The following ARAP2 variants were observed in gnomAD, a reference collection of about 807,000 sequenced individuals.
ARAP2 encodes arf-GAP with Rho-GAP domain, ANK repeat and PH domain-containing protein 2.
ARAP2 carries 148 observed loss-of-function variants against 194.5 expected under a neutral mutation model. The observed-to-expected ratio is 0.76, with a 90% CI of 0.67 to 0.87. ARAP2 has a LOEUF of 0.87. ARAP2 is among the 40% of genes least tolerant of loss of function. The probability of loss-of-function intolerance (pLI) is 0.00; values close to 1 mark genes in which losing one functional copy is unlikely to be tolerated. For missense variants in ARAP2, 2,128 were observed against 1,989.7 expected (o/e 1.07, Z -1.32); for synonymous variants, 695 against 683.5 (o/e 1.02, Z -0.26).
chr4:36,111,035 G>A (rs1421477641), intron 26 of ARAP2, among the ~76,000 whole-genome samples: 1 of 151,856 alleles, frequency 6.6e-6, no homozygotes, highest in African/African-American at 2.4e-5. Flanking sequence ...GTAAAGGGAA[G>A]ATTACCAAAC....
intron 2 of ARAP2, among the ~76,000 whole-genome samples, chr4:36,055,238 C>T (rs1480268759): frequency 1.3e-5 from 2 of 152,110 alleles, no homozygotes; most frequent in Non-Finnish European, 2.9e-5. Flanking sequence ...AACCTCAATC[C>T]TGTAATTTTG....
intron 27 of ARAP2, among the ~76,000 whole-genome samples, chr4:36,101,783 G>A (rs147332624): frequency 6.6e-6 from 1 of 152,068 alleles, no homozygotes; most frequent in East Asian, 1.9e-4. Context: ...TATGAATTCA[G>A]GTCTCTTAAT....
chr4:36,074,740 C>T (rs1727844433), intron 31 of ARAP2, among the ~76,000 whole-genome samples: 1 of 152,006 alleles, frequency 6.6e-6, no homozygotes, highest in Admixed American at 6.6e-5. Context: ...TCTCTCAGTT[C>T]TTAAGCAACA....
In ARAP2 at chr4:36,107,648, C is replaced by A; in HGVS notation, c.4202G>T (p.Arg1401Leu). 6.2e-7 allele frequency: 1 copy of A among 1,610,494 alleles called. No individual in the cohort carries two copies. Among genetic ancestry groups the A allele is most frequent in the Non-Finnish European group, 8.5e-7 (1 of 1,177,880 alleles). ...GCCAGGTTCAGCTAATGAACTCCAC[C>A]GAAGCACCTGCTCCAGTACATTTTC... is the stretch of plus-strand genomic sequence containing the variant. Reference protein sequence around the residue: ...YKENVLEQVLRWSSLAEPGSA... With the variant: ...YKENVLEQVLLWSSLAEPGSA... Residue 1401 changes from arginine to leucine, a missense_variant, in exon 27 of 33, where the codon CGG becomes CTG. Transcript: ENST00000303965.
At chr4:36,050,630 T>C (rs1463887907) in intron 3 of ARAP2, among the ~76,000 whole-genome samples, 1 of 152,188 alleles carries the variant, frequency 6.6e-6, no homozygotes, top group Non-Finnish European at 1.5e-5. Context: ...TTTTCTCCCT[T>C]GTACTTTTTT....
chr4:36,177,682 T>A, intron 9 of ARAP2, 145 bp downstream of exon 9: 2 of 706,380 alleles, frequency 2.8e-6, no homozygotes, highest in Non-Finnish European at 4.0e-6. Context: ...TTCAACAAAA[T>A]CACTATTTCT....
intron 11 of ARAP2, among the ~76,000 whole-genome samples, chr4:36,163,287 A>G (rs886457545): frequency 3.9e-5 from 6 of 152,202 alleles, no homozygotes; most frequent in African/African-American, 1.4e-4. Flanking sequence ...TAAGAACACA[A>G]AGAGAGACTG....
exon 6 of ARAP2, chr4:36,019,190 G>A (rs1237398042): frequency 6.7e-6 from 1 of 149,360 alleles, no homozygotes; most frequent in Non-Finnish European, 1.5e-5. Flanking sequence ...ATTATGCTTG[G>A]TTCAGTAGTA....
At chr4:36,053,101 G>A (rs1003809036) in intron 2 of ARAP2, among the ~76,000 whole-genome samples, 4 of 151,788 alleles carry the variant, frequency 2.6e-5, no homozygotes, top group Non-Finnish European at 2.9e-5. Context: ...TCCGCCTCCC[G>A]GGTTCAAGCG....
intron 2 of ARAP2, among the ~76,000 whole-genome samples, chr4:36,219,553 T>C (rs1748707294): frequency 1.3e-5 from 2 of 152,276 alleles, no homozygotes; most frequent in South Asian, 4.1e-4. Flanking sequence ...AAAGTGGAGA[T>C]GAGTGATGGA....
chr4:36,041,897 T>C (rs1442000662), intron 5 of ARAP2, among the ~76,000 whole-genome samples: 2 of 152,314 alleles, frequency 1.3e-5, no homozygotes, highest in Non-Finnish European at 1.5e-5. Flanking sequence ...TTGGAGGCTA[T>C]TATTCTCAGC....
rs1437458445 is a variant in ARAP2, at chr4:36,114,380, A to G, written c.4039-93T>C. 3 of 757,644 alleles carry G rather than the reference A, an allele frequency of 4.0e-6. No individual in the cohort carries two copies. The Admixed American group carries it at 7.9e-5, about 20-fold the overall frequency. The allele number at this position is 757,644 out of a possible 1,614,324, so 46.9% of individuals were successfully genotyped here. A position where few individuals can be genotyped will look rare whatever the true frequency, so the allele number is the denominator to read the frequency against. Reference sequence around the variant, plus strand: ...AATATTCCCCATCCACCATTTAATGATATCTTGAATTTATTTTGAGCATGG... The same window carrying G: ...AATATTCCCCATCCACCATTTAATGGTATCTTGAATTTATTTTGAGCATGG... On this transcript the variant is annotated intron_variant, in intron 25 of 32. Coordinates refer to ENST00000303965, the MANE Select transcript of ARAP2 (RefSeq NM_015230.4).
chr4:36,198,361 C>A (rs942314210), intron 6 of ARAP2, among the ~76,000 whole-genome samples: 1 of 152,308 alleles, frequency 6.6e-6, no homozygotes, highest in Middle Eastern at 3.4e-3. Context: ...AGAAAAGGCA[C>A]CACAAGTTCC....
At chr4:36,239,586 T>C (rs1365674431) in intron 1 of ARAP2, among the ~76,000 whole-genome samples, 1 of 152,150 alleles carries the variant, frequency 6.6e-6, no homozygotes, top group Admixed American at 6.5e-5. Flanking sequence ...GTCAAATTCA[T>C]AGAAAGTAGA....
At chr4:36,180,149 G>C (rs1200712191) in intron 8 of ARAP2, among the ~76,000 whole-genome samples, 1 of 152,096 alleles carries the variant, frequency 6.6e-6, no homozygotes, top group African/African-American at 2.4e-5. Context: ...CATGGTGGCA[G>C]TAATCCAAGC....
chr4:36,140,761 C>G (rs1728127933), intron 19 of ARAP2, among the ~76,000 whole-genome samples: 1 of 151,668 alleles, frequency 6.6e-6, no homozygotes, highest in Non-Finnish European at 1.5e-5. Flanking sequence ...GTGAAACATA[C>G]TGATAAAGTG....
At chr4:36,231,346 A>C (rs1364395703) in intron 1 of ARAP2, among the ~76,000 whole-genome samples, 2 of 151,944 alleles carry the variant, frequency 1.3e-5, no homozygotes, top group Non-Finnish European at 2.9e-5. Context: ...AAAATAAATA[A>C]ATAAATAAAT....
chr4:36,234,602 C>T (rs1419942689), intron 1 of ARAP2, among the ~76,000 whole-genome samples: 3 of 152,190 alleles, frequency 2.0e-5, no homozygotes, highest in African/African-American at 7.2e-5. Flanking sequence ...AATTCCTCCA[C>T]TTACTAGCTT....
intron 10 of ARAP2, chr4:36,006,345 T>C (rs1713267725): frequency 1.3e-5 from 2 of 152,218 alleles, no homozygotes; most frequent in African/African-American, 4.8e-5. Flanking sequence ...GTTCTTATTG[T>C]ATTATACATT....
Sources: allele counts gnomAD v4.1 joint callset (sites outside exome capture counted in the v4.1 genomes callset), GRCh38; gene constraint gnomAD v4.1.1; transcripts MANE v1.5; gene names NCBI Gene and HGNC (gene_info 2026-07-23, HGNC 2026-07-21).